The following MRPS9 variants were observed in gnomAD, a reference collection of about 807,000 sequenced individuals.
The protein encoded by MRPS9 is mitochondrial ribosomal protein S9, also known as small ribosomal subunit protein uS9m.
A neutral mutation model predicts 59.9 loss-of-function variants in MRPS9; 45 were observed. The ratio of observed to expected loss-of-function variants is 0.75; its 90% CI spans 0.59 to 0.96. The LOEUF (loss-of-function observed/expected upper bound fraction) is 0.96. MRPS9 is among the 40% of genes least tolerant of loss of function. MRPS9 has a pLI of 0.00. For missense variants in MRPS9, 473 were observed against 481.1 expected, an observed-to-expected ratio of 0.98 and a Z score of 0.16; for synonymous variants, 171 against 166.8, an observed-to-expected ratio of 1.03 and a Z score of -0.19.
intron 4 of MRPS9, 24 bp downstream of exon 4, chr2:105,071,513 A>G: frequency 6.3e-7 from 1 of 1,599,688 alleles, no homozygotes; most frequent in East Asian, 2.2e-5. Flanking sequence ...AGAATGAGAG[A>G]AACAGTTTTT....
At chr2:105,081,795 T>C (rs575889843) in intron 5 of MRPS9, among the ~76,000 whole-genome samples, 1 of 152,356 alleles carries the variant, frequency 6.6e-6, no homozygotes, top group East Asian at 1.9e-4. Context: ...AGAAGAGTCC[T>C]TTGGGCTTTT....
intron 2 of MRPS9, among the ~76,000 whole-genome samples, chr2:105,067,563 CATTCTTTAGTA>C (rs918555616): frequency 2.0e-5 from 3 of 152,058 alleles, no homozygotes; most frequent in African/African-American, 7.2e-5. Flanking sequence ...GCGAATTTTC[CATTCTTTAGTA>C]ACCTTTCAGC....
In MRPS9 at chr2:105,071,192, GAAGT is replaced by G. The variant is rs1056148722; in HGVS notation, c.316-117_316-114del. On this transcript the variant is annotated intron_variant, in intron 2 of 10. Coordinates refer to ENST00000258455, the MANE Select transcript of MRPS9 (RefSeq NM_182640.3). ...TTTATCATCCCATTGAAACATTTAT[GAAGT>G]AAGATAATGCTTTGAAACTCTAGTT... The G allele has an allele frequency of 2.1e-5, 15 of 715,170 alleles. No individual in the cohort carries two copies. In the African/African-American group the frequency reaches 2.5e-4, roughly 12 times the overall value. The allele number at this position is 715,170 out of a possible 1,614,324, so 44.3% of individuals were successfully genotyped here.
chr2:105,079,675 A>G (rs1226963167), intron 4 of MRPS9, among the ~76,000 whole-genome samples: 1 of 152,158 alleles, frequency 6.6e-6, no homozygotes, highest in African/African-American at 2.4e-5. Flanking sequence ...TTTTTATTCT[A>G]ACAAGATGAT....
intron 10 of MRPS9, among the ~76,000 whole-genome samples, chr2:105,098,896 C>T (rs1199663830): frequency 6.6e-6 from 1 of 152,162 alleles, no homozygotes; most frequent in African/African-American, 2.4e-5. Flanking sequence ...AATCTATGGT[C>T]TTTACTAACT....
At chr2:105,043,874 C>T (rs190022615) in intron 1 of MRPS9, among the ~76,000 whole-genome samples, 39 of 151,430 alleles carry the variant, frequency 2.6e-4, no homozygotes, top group African/African-American at 8.5e-4. Flanking sequence ...AGCTTGTGAT[C>T]GGCCTGCCTT....
At chr2:105,080,382 G>A (rs1680306088) in intron 5 of MRPS9, among the ~76,000 whole-genome samples, 1 of 152,164 alleles carries the variant, frequency 6.6e-6, no homozygotes, top group Admixed American at 6.5e-5. Context: ...GAGGCCAAGT[G>A]TATGATGCTG....
rs773766152 is a variant in MRPS9 at position 105,071,379 on chromosome 2, G to C, written c.378+4G>C. 13 of 1,605,828 alleles carry C rather than the reference G, an allele frequency of 8.1e-6. No homozygotes were observed. The highest frequency in any genetic ancestry group is 1.0e-5 in the Non-Finnish European group (12 of 1,175,942). ...ACGAGCCAGGCCAGTAATGAAGGTAGTTATCTTAATTACTATTTTAAAAAT... is the reference window on the plus strand; with the variant it reads ...ACGAGCCAGGCCAGTAATGAAGGTACTTATCTTAATTACTATTTTAAAAAT... On this transcript the variant is annotated splice_donor_region_variant and intron_variant, in intron 3 of 10. Coordinates refer to ENST00000258455, the MANE Select transcript of MRPS9 (RefSeq NM_182640.3).
At chr2:105,046,411 G>A (rs908649265) in intron 1 of MRPS9, among the ~76,000 whole-genome samples, 1 of 151,726 alleles carries the variant, frequency 6.6e-6, no homozygotes, top group East Asian at 1.9e-4. Flanking sequence ...TTGTCCTAAC[G>A]CTAATGCTTG....
chr2:105,060,424 C>T (rs183590389), intron 2 of MRPS9, among the ~76,000 whole-genome samples: 5 of 152,144 alleles, frequency 3.3e-5, no homozygotes, highest in South Asian at 2.1e-4. Context: ...TGAGATTACA[C>T]GTGGCGCCAC....
chr2:105,089,111 C>A, intron 6 of MRPS9, 42 bp downstream of exon 6: 1 of 1,463,500 alleles, frequency 6.8e-7, no homozygotes, highest in Non-Finnish European at 9.5e-7. Context: ...AAAATTTGAA[C>A]TAAAAACATG....
In MRPS9 at chr2:105,071,279, A is replaced by G. The variant is rs755086299; in HGVS notation, c.316-34A>G. 5.1e-6 allele frequency: 8 copies of G among 1,570,620 alleles called. No homozygotes were observed. In the African/African-American group the frequency reaches 9.5e-5, roughly 19 times the overall value. ...TATTAGTTCTAACCTTGTTTATATAACAGTTGTTAACTAACCTTTGTGTAT... is the reference window on the plus strand; with the variant it reads ...TATTAGTTCTAACCTTGTTTATATAGCAGTTGTTAACTAACCTTTGTGTAT... On this transcript the variant is annotated intron_variant, in intron 2 of 10. Coordinates refer to ENST00000258455, the MANE Select transcript of MRPS9 (RefSeq NM_182640.3).
At chr2:105,098,130 C>T (rs1456528605) in intron 10 of MRPS9, 1 of 152,154 alleles carries the variant, frequency 6.6e-6, no homozygotes, top group African/African-American at 2.4e-5. Flanking sequence ...CTCTGTGTAA[C>T]CCTGTTACCT....
rs935391319 is a variant in MRPS9, at chr2:105,048,181, G to A, written c.136-990G>A. On this transcript the variant is annotated intron_variant, in intron 1 of 10. Coordinates refer to ENST00000258455, the MANE Select transcript of MRPS9 (RefSeq NM_182640.3). The stretch of plus-strand genomic sequence containing the variant: ...GAATACTATGCAGCCATAAAAAAAT[G>A]ATGAGTTCATGTCCTTTGCAGGGAC... 1.2e-4 allele frequency among the ~76,000 whole-genome samples: 19 copies of A among 152,010 alleles called. 1 individual carries two copies. The highest frequency in any genetic ancestry group is 1.2e-3 in the Admixed American group (18 of 15,256).
At chr2:105,057,185 G>A (rs1392345909) in intron 2 of MRPS9, among the ~76,000 whole-genome samples, 1 of 152,100 alleles carries the variant, frequency 6.6e-6, no homozygotes, top group Non-Finnish European at 1.5e-5. Context: ...AACCATGATG[G>A]TGCTACTGAT....
intron 6 of MRPS9, 29 bp downstream of exon 6, chr2:105,089,098 A>T: frequency 6.4e-7 from 1 of 1,556,746 alleles, no homozygotes; most frequent in Middle Eastern, 1.7e-4. Flanking sequence ...TTAAAATATA[A>T]GTAAAATTTG....
At chr2:105,081,754 T>C (rs1051578695) in intron 5 of MRPS9, among the ~76,000 whole-genome samples, 5 of 152,220 alleles carry the variant, frequency 3.3e-5, no homozygotes, top group Non-Finnish European at 5.9e-5. Flanking sequence ...TTCTTTGTTT[T>C]TGAGTAATTT....
chr2:105,092,234 G>T, intron 7 of MRPS9, 167 bp from the exon 8 acceptor site: 1 of 470,790 alleles, frequency 2.1e-6, no homozygotes, highest in Non-Finnish European at 3.7e-6. Flanking sequence ...CAGGAAAAGT[G>T]ATGCATCTGC....
intron 4 of MRPS9, among the ~76,000 whole-genome samples, chr2:105,079,506 A>G (rs1392226980): frequency 6.6e-6 from 1 of 152,184 alleles, no homozygotes; most frequent in Admixed American, 6.5e-5. Context: ...GTTGATGACC[A>G]CTGGGTTGAA....
Sources: gnomAD v4.1 joint callset for allele counts (sites outside exome capture counted in the v4.1 genomes callset) on GRCh38, gnomAD v4.1.1 for gene constraint, MANE v1.5 for transcripts, NCBI Gene and HGNC (gene_info 2026-07-23, HGNC 2026-07-21) for gene names.